Variants in LRMDA observed in about 807,000 individuals in gnomAD.
LRMDA encodes the protein leucine-rich melanocyte differentiation-associated protein.
Under a neutral mutation model 29.8 loss-of-function variants are expected in LRMDA, and 18 were observed. The observed-to-expected ratio is 0.60, with a 90% CI of 0.42 to 0.90. LRMDA has a LOEUF of 0.90. LRMDA is among the 40% of genes least tolerant of loss of function. LRMDA has a pLI of 0.00. For missense variants in LRMDA, 273 were observed against 273.9 expected (o/e 1.00, Z 0.02); for synonymous variants, 125 against 109.4 (o/e 1.14, Z -0.89).
At chr10:75,700,682 T>A (rs1842294012) in intron 2 of LRMDA, among the ~76,000 whole-genome samples, 1 of 152,188 alleles carries the variant, frequency 6.6e-6, no homozygotes, top group Non-Finnish European at 1.5e-5. Context: ...GAGAGCTTTC[T>A]CTAAGAGATT....
chr10:75,442,520 C>A (rs1198149196), intron 2 of LRMDA, among the ~76,000 whole-genome samples: 2 of 152,052 alleles, frequency 1.3e-5, no homozygotes, highest in Non-Finnish European at 2.9e-5. Context: ...CTGTTCTTTC[C>A]CCTTTGTGTG....
chr10:76,005,656 C>T (rs780877740), intron 2 of LRMDA, among the ~76,000 whole-genome samples: 23 of 151,860 alleles, frequency 1.5e-4, no homozygotes, highest in East Asian at 5.8e-4. Context: ...ATGGGCCAGG[C>T]GCGGTGGCTC....
chr10:76,237,038 C>A (rs1212934734), intron 5 of LRMDA, among the ~76,000 whole-genome samples: 1 of 152,100 alleles, frequency 6.6e-6, no homozygotes, highest in East Asian at 1.9e-4. Flanking sequence ...ACTCCTTAAA[C>A]TCCAGTCATT....
At chr10:75,633,477 A>T (rs551134629) in intron 2 of LRMDA, among the ~76,000 whole-genome samples, 62 of 152,332 alleles carry the variant, frequency 4.1e-4, no homozygotes, top group Non-Finnish European at 7.6e-4. Context: ...TGTCAAATAC[A>T]TAATTAACAA....
intron 2 of LRMDA, among the ~76,000 whole-genome samples, chr10:75,543,490 A>C (rs1840044231): frequency 6.6e-6 from 1 of 152,136 alleles, no homozygotes. Flanking sequence ...AGGAGAGAGG[A>C]AGGATCCCAT....
chr10:75,713,824 C>T (rs1288617662), intron 2 of LRMDA, among the ~76,000 whole-genome samples: 2 of 152,126 alleles, frequency 1.3e-5, no homozygotes, highest in East Asian at 1.9e-4. Context: ...CCTTCTCCCT[C>T]CCTGTCTCTC....
At chr10:75,527,415 T>A (rs1489132459) in intron 2 of LRMDA, among the ~76,000 whole-genome samples, 1 of 152,142 alleles carries the variant, frequency 6.6e-6, no homozygotes, top group East Asian at 1.9e-4. Context: ...AGGAATAAAA[T>A]TGATAGGTCA....
intron 2 of LRMDA, among the ~76,000 whole-genome samples, chr10:75,967,579 AATC>A (rs1164063491): frequency 6.6e-6 from 1 of 152,222 alleles, no homozygotes; most frequent in East Asian, 1.9e-4. Context: ...TAATTTGATA[AATC>A]ATCAGCAGAA....
rs1443157627 is a variant in LRMDA at position 75,697,854 on chromosome 10, T to TGTGTGTGTGTGTGTGTGTGTGTGC, written c.131+259372_131+259373insGTGTGTGTGTGCGTGTGTGTGTGT. On this transcript the variant is annotated intron_variant, in intron 2 of 6. Transcript: ENST00000611255. Reference sequence around the variant, plus strand: ...GTAAGAGTGTGTGTGTGTGTGTGCGTGTGTGTGTGTGTCTCATTCGCGCTC... The same window carrying TGTGTGTGTGTGTGTGTGTGTGTGC: ...GTAAGAGTGTGTGTGTGTGTGTGCGTGTGTGTGTGTGTGTGTGTGTGTGCGTGTGTGTGTGTCTCATTCGCGCTC... 1.2e-3 allele frequency among the ~76,000 whole-genome samples: 189 copies of TGTGTGTGTGTGTGTGTGTGTGTGC among 151,600 alleles called. 2 individuals are homozygous for TGTGTGTGTGTGTGTGTGTGTGTGC. The South Asian group carries it at 0.019, about 15-fold the overall frequency.
chr10:75,609,291 CTG>C (rs1275583366), intron 2 of LRMDA, among the ~76,000 whole-genome samples: 4 of 152,174 alleles, frequency 2.6e-5, no homozygotes, highest in Non-Finnish European at 5.9e-5. Context: ...CACACCCACA[CTG>C]TTAATTTGTA....
At chr10:75,788,822 C>G (rs78199773) in intron 2 of LRMDA, among the ~76,000 whole-genome samples, 101 of 152,346 alleles carry the variant, frequency 6.6e-4, no homozygotes, top group African/African-American at 2.4e-3. Flanking sequence ...ACACTCTTTG[C>G]TACATTCTCC....
At chr10:76,279,536 CTTCT>C (rs1279445237) in intron 5 of LRMDA, among the ~76,000 whole-genome samples, 1 of 139,786 alleles carries the variant, frequency 7.2e-6, no homozygotes, top group African/African-American at 2.7e-5. Context: ...ATAACAAATG[CTTCT>C]TTTTTTTTTT....
At chr10:76,137,563 AG>A (rs1589344516) in intron 5 of LRMDA, among the ~76,000 whole-genome samples, 1 of 152,088 alleles carries the variant, frequency 6.6e-6, no homozygotes, top group Non-Finnish European at 1.5e-5. Flanking sequence ...TTCCCTAAAG[AG>A]GGTTAAAAAT....
intron 2 of LRMDA, among the ~76,000 whole-genome samples, chr10:75,923,322 T>C (rs1263358006): frequency 6.6e-6 from 1 of 152,210 alleles, no homozygotes; most frequent in African/African-American, 2.4e-5. Flanking sequence ...TTATAGTCAA[T>C]GAAGTCAATG....
intron 2 of LRMDA, among the ~76,000 whole-genome samples, chr10:75,651,584 A>G (rs2132127073): frequency 6.6e-6 from 1 of 152,320 alleles, no homozygotes; most frequent in Non-Finnish European, 1.5e-5. Flanking sequence ...GCTTAGGCGT[A>G]CTAGGAGGAG....
intron 5 of LRMDA, among the ~76,000 whole-genome samples, chr10:76,300,214 G>T (rs1840463487): frequency 6.6e-6 from 1 of 152,178 alleles, no homozygotes; most frequent in Non-Finnish European, 1.5e-5. Context: ...ATTAAAAATA[G>T]ACTGTGAGAT....
chr10:75,437,410 G>A (rs555383739), intron 1 of LRMDA, among the ~76,000 whole-genome samples: 169 of 152,314 alleles, frequency 1.1e-3, no homozygotes, highest in African/African-American at 3.9e-3. Flanking sequence ...GAAGGTTATA[G>A]CCGTGTCTTG....
chr10:76,211,168 C>T (rs1319622908), intron 5 of LRMDA, among the ~76,000 whole-genome samples: 1 of 152,134 alleles, frequency 6.6e-6, no homozygotes, highest in East Asian at 1.9e-4. Flanking sequence ...CTGAAATGTC[C>T]TTCCTCTCTG....
At chr10:76,035,164 C>A (rs1381281578) in intron 2 of LRMDA, among the ~76,000 whole-genome samples, 5 of 150,460 alleles carry the variant, frequency 3.3e-5, no homozygotes, top group African/African-American at 1.2e-4. Flanking sequence ...ACTGCCTCAA[C>A]ATCTACAGGG....
Sources: allele counts gnomAD v4.1 joint callset (sites outside exome capture counted in the v4.1 genomes callset), GRCh38; gene constraint gnomAD v4.1.1; transcripts MANE v1.5; gene names NCBI Gene and HGNC (gene_info 2026-07-23, HGNC 2026-07-21).